TMEM132B: variants seen among roughly 807,000 people sequenced by gnomAD.
TMEM132B encodes the protein transmembrane protein 132B.
In TMEM132B, 18 loss-of-function variants were observed where a neutral mutation model predicts 90.8. That is an observed-to-expected ratio of 0.20 (90% CI 0.14 to 0.29). The LOEUF (loss-of-function observed/expected upper bound fraction) is 0.29. Ranked by LOEUF, TMEM132B falls within the 10% of genes least tolerant of loss-of-function variation. TMEM132B has a pLI of 1.00. For missense variants in TMEM132B, 1,096 were observed against 1,326.8 expected, an observed-to-expected ratio of 0.83 and a Z score of 2.70; for synonymous variants, 504 against 523.3, an observed-to-expected ratio of 0.96 and a Z score of 0.50.
At chr12:125,249,844 A>G (rs1163308322) in intron 1 of TMEM132B, among the ~76,000 whole-genome samples, 1 of 152,230 alleles carries the variant, frequency 6.6e-6, no homozygotes, top group Non-Finnish European at 1.5e-5. Context: ...TAGAAGAAAC[A>G]GGTTCAGAGA....
intron 3 of TMEM132B, among the ~76,000 whole-genome samples, chr12:125,424,213 G>C (rs1880251644): frequency 6.6e-6 from 1 of 152,132 alleles, no homozygotes; most frequent in Admixed American, 6.5e-5. Flanking sequence ...TAAAATGTCT[G>C]TCAAATATCT....
intron 3 of TMEM132B, among the ~76,000 whole-genome samples, chr12:125,466,977 C>A (rs139891227): frequency 6.6e-6 from 1 of 152,154 alleles, no homozygotes; most frequent in African/African-American, 2.4e-5. Flanking sequence ...ACACTGTTCG[C>A]GATGGATCAA....
chr12:125,643,579 T>G (rs1432544590), intron 5 of TMEM132B, among the ~76,000 whole-genome samples: 1 of 152,240 alleles, frequency 6.6e-6, no homozygotes, highest in African/African-American at 2.4e-5. Flanking sequence ...TTCTAATGCA[T>G]TTCACAACTA....
chr12:125,259,891 T>C (rs1274988315), intron 1 of TMEM132B, among the ~76,000 whole-genome samples: 1 of 151,928 alleles, frequency 6.6e-6, no homozygotes, highest in African/African-American at 2.4e-5. Flanking sequence ...TGGGCTGAGC[T>C]CACTGCAGAG....
chr12:125,329,594 G>A (rs943295566), intron 1 of TMEM132B, among the ~76,000 whole-genome samples: 2 of 152,202 alleles, frequency 1.3e-5, no homozygotes, highest in African/African-American at 4.8e-5. Context: ...TGGCTGGAAC[G>A]AGATGGGACA....
At chr12:125,365,118 GTTC>G (rs1878087036) in intron 2 of TMEM132B, among the ~76,000 whole-genome samples, 1 of 151,290 alleles carries the variant, frequency 6.6e-6, no homozygotes, top group African/African-American at 2.4e-5. Flanking sequence ...GTATTCCTCT[GTTC>G]TTCTTTTCCT....
chr12:125,446,545 T>C (rs1256961269), intron 3 of TMEM132B, among the ~76,000 whole-genome samples: 2 of 152,204 alleles, frequency 1.3e-5, no homozygotes, highest in African/African-American at 2.4e-5. Flanking sequence ...ACCTTTAGTC[T>C]CTTCTAGACT....
chr12:125,653,728 G>C lies in TMEM132B; in HGVS notation c.2270G>C (p.Gly757Ala). Reference sequence around the variant, plus strand: ...AAATGGCCAATTGTGGTTGCAGAGGGTGAAGGACAAGGGCCTTTGATTAAG... The same window carrying C: ...AAATGGCCAATTGTGGTTGCAGAGGCTGAAGGACAAGGGCCTTTGATTAAG... ...ESKWPIVVAE[G>A]EGQGPLIKLE... Residue 757 changes from glycine (G) to alanine (A), a missense_variant, in exon 9 of 9, where the codon GGT becomes GCT. Physicochemically the swap from Gly to Ala is moderately conservative, Grantham distance 60 (BLOSUM62 0). Transcript: ENST00000682704. 1 of 1,614,176 alleles carries C rather than the reference G, an allele frequency of 6.2e-7. No homozygotes were observed. Among genetic ancestry groups the C allele is most frequent in the Non-Finnish European group, 8.5e-7 (1 of 1,180,024 alleles).
chr12:125,544,070 G>A (rs1335805763), intron 4 of TMEM132B, among the ~76,000 whole-genome samples: 1 of 152,176 alleles, frequency 6.6e-6, no homozygotes, highest in Non-Finnish European at 1.5e-5. Context: ...GAAGCTGGAA[G>A]CTATTATCCT....
At chr12:125,521,851 C>T (rs1883316146) in intron 4 of TMEM132B, among the ~76,000 whole-genome samples, 1 of 152,204 alleles carries the variant, frequency 6.6e-6, no homozygotes, top group Admixed American at 6.5e-5. Context: ...CTGGCTGAGG[C>T]ATAAGCTTAG....
intron 1 of TMEM132B, among the ~76,000 whole-genome samples, chr12:125,212,414 C>T (rs1053942115): frequency 9.9e-5 from 15 of 152,018 alleles, no homozygotes; most frequent in Middle Eastern, 3.4e-3. Flanking sequence ...TGGGCTTGGC[C>T]GGGCGTGGTG....
chr12:125,652,540 G>T lies in TMEM132B; in HGVS notation c.2014G>T (p.Gly672Cys). 1.2e-6 allele frequency: 2 copies of T among 1,613,826 alleles called. No homozygotes were observed. Among genetic ancestry groups the T allele is most frequent in the Non-Finnish European group, 1.7e-6 (2 of 1,179,816 alleles). The change falls in exon 8 of 9, where the codon GGC (glycine) becomes TGC (cysteine). Residue 672 changes from glycine to cysteine, a missense_variant. By Grantham distance (159) the Gly-to-Cys change is radical. Coordinates refer to ENST00000682704, the MANE Select transcript of TMEM132B (RefSeq NM_001366854.1). ...IAELGVQLVA[G>C]MSLSLQPHRA... ...GGAGCTGGGAGTGCAGCTCGTAGCT[G>T]GCATGTCTCTCTCCCTGCAGCCACA...
chr12:125,314,637 G>C (rs1021490860), intron 1 of TMEM132B, among the ~76,000 whole-genome samples: 5 of 152,126 alleles, frequency 3.3e-5, no homozygotes, highest in African/African-American at 9.7e-5. Flanking sequence ...AAGAGGTCGC[G>C]AACCCTCGCG....
chr12:125,606,977 C>A (rs1372100410), intron 5 of TMEM132B, among the ~76,000 whole-genome samples: 1 of 152,128 alleles, frequency 6.6e-6, no homozygotes. Context: ...AAAGGCCCAC[C>A]CAGTCAGCTC....
rs149083127 is a variant in TMEM132B, at chr12:125,273,873, A to T, written c.68-75579A>T. Among the ~76,000 whole-genome samples, 92 of 152,298 alleles carry T rather than the reference A, an allele frequency of 6.0e-4. 1 individual carries two copies. The South Asian group carries it at 0.01, about 17-fold the overall frequency. Reference sequence around the variant, plus strand: ...GAGATGGGGTTTCACCATGTTGGTCAGTCTGGTCTTGAACTTCTGACCTCA... The same window carrying T: ...GAGATGGGGTTTCACCATGTTGGTCTGTCTGGTCTTGAACTTCTGACCTCA... On this transcript the variant is annotated intron_variant, in intron 1 of 8. Coordinates refer to ENST00000682704, the MANE Select transcript of TMEM132B (RefSeq NM_001366854.1).
chr12:125,573,544 TC>T (rs1884857443), intron 4 of TMEM132B, among the ~76,000 whole-genome samples: 1 of 152,230 alleles, frequency 6.6e-6, no homozygotes, highest in Non-Finnish European at 1.5e-5. Flanking sequence ...GAGTACATAG[TC>T]AAAATAATGT....
Position 125,374,320 on chromosome 12 carries a change from T to C in TMEM132B, c.959+23977T>C, listed in dbSNP as rs535357757. Among the ~76,000 whole-genome samples, 4 of 152,214 alleles carry C rather than the reference T, an allele frequency of 2.6e-5. No homozygotes were observed. The East Asian group carries it at 7.7e-4, about 29-fold the overall frequency. ...GTCTGGAGGCTCATTCTTCTTAGAGTGGAGATGGCTTTTCCATTTAAATTC... is the reference window on the plus strand; with the variant it reads ...GTCTGGAGGCTCATTCTTCTTAGAGCGGAGATGGCTTTTCCATTTAAATTC... On this transcript the variant is annotated intron_variant, in intron 2 of 8. Transcript: ENST00000682704.
chr12:125,548,458 A>T (rs535618471), intron 4 of TMEM132B, among the ~76,000 whole-genome samples: 25 of 152,288 alleles, frequency 1.6e-4, no homozygotes, highest in African/African-American at 4.8e-4. Context: ...ATAGATTGTG[A>T]CTCACAGTTT....
intron 1 of TMEM132B, among the ~76,000 whole-genome samples, chr12:125,331,197 C>G (rs1479952905): frequency 6.6e-6 from 1 of 152,212 alleles, no homozygotes; most frequent in Non-Finnish European, 1.5e-5. Flanking sequence ...TGGGCTCAGT[C>G]CGGGCTCCCG....
Sources: gnomAD v4.1 joint callset for allele counts (sites outside exome capture counted in the v4.1 genomes callset) on GRCh38, gnomAD v4.1.1 for gene constraint, MANE v1.5 for transcripts, NCBI Gene and HGNC (gene_info 2026-07-23, HGNC 2026-07-21) for gene names.